Variants in THADA observed in about 807,000 individuals in gnomAD.
THADA encodes the protein tRNA (32-2'-O)-methyltransferase regulator THADA.
Under a neutral mutation model 219.8 loss-of-function variants are expected in THADA, and 213 were observed. The observed-to-expected ratio is 0.97, with a 90% confidence interval of 0.87 to 1.09. The LOEUF (loss-of-function observed/expected upper bound fraction) is 1.09, where lower values mean the gene tolerates loss of function less well. Ranked by LOEUF, THADA falls within the 50% of genes least tolerant of loss-of-function variation. THADA has a pLI of 0.00. For missense variants in THADA, 2,956 were observed against 2,311.3 expected, an observed-to-expected ratio of 1.28 and a Z score of -5.72; for synonymous variants, 1,018 against 828.9, an observed-to-expected ratio of 1.23 and a Z score of -3.92.
intron 29 of THADA, among the ~76,000 whole-genome samples, chr2:43,385,956 C>A (rs1034094167): frequency 6.6e-6 from 1 of 151,590 alleles, no homozygotes; most frequent in Non-Finnish European, 1.5e-5. Context: ...ATGTCCCCCT[C>A]ACCAGAAATT....
intron 26 of THADA, among the ~76,000 whole-genome samples, chr2:43,440,011 T>G (rs1249595545): frequency 1.3e-5 from 2 of 152,218 alleles, no homozygotes; most frequent in African/African-American, 4.8e-5. Context: ...ATTTCCTTTT[T>G]TATTTATTAG....
chr2:43,329,745 C>G (rs1428466128), intron 30 of THADA, among the ~76,000 whole-genome samples: 2 of 152,144 alleles, frequency 1.3e-5, no homozygotes, highest in South Asian at 2.1e-4. Flanking sequence ...AAAAGTGAGA[C>G]ATTGGGCCAA....
intron 34 of THADA, among the ~76,000 whole-genome samples, chr2:43,289,637 GTTTT>G (rs1423208279): frequency 1.3e-5 from 2 of 151,958 alleles, no homozygotes; most frequent in Non-Finnish European, 2.9e-5. Context: ...AGAACTTGGT[GTTTT>G]TTTGTTTGTT....
intron 26 of THADA, among the ~76,000 whole-genome samples, chr2:43,473,396 C>A (rs1685145994): frequency 6.6e-6 from 1 of 152,148 alleles, no homozygotes; most frequent in African/African-American, 2.4e-5. Flanking sequence ...TCATCAGGAG[C>A]AATAACAAGC....
At chr2:43,542,956 T>C (rs934985097) in intron 20 of THADA, among the ~76,000 whole-genome samples, 3 of 151,740 alleles carry the variant, frequency 2.0e-5, no homozygotes, top group Non-Finnish European at 4.4e-5. Flanking sequence ...CATGCTGGTG[T>C]GCTGCACCCA....
At chr2:43,329,314 A>T (rs1235494844) in intron 30 of THADA, among the ~76,000 whole-genome samples, 1 of 152,182 alleles carries the variant, frequency 6.6e-6, no homozygotes, top group Non-Finnish European at 1.5e-5. Context: ...TTCTTTTCAA[A>T]CCTTACTTTC....
chr2:43,264,268 T>A (rs562974575), intron 36 of THADA, among the ~76,000 whole-genome samples: 1 of 151,914 alleles, frequency 6.6e-6, no homozygotes, highest in South Asian at 2.1e-4. Flanking sequence ...CTGATAGAAG[T>A]AGCTTTCTCT....
Position 43,590,859 on chromosome 2 carries a change from C to G in THADA, c.267G>C (p.Leu89Phe). 6.2e-7 allele frequency: 1 copy of G among 1,613,602 alleles called. No homozygotes were observed. The highest frequency in any genetic ancestry group is 8.5e-7 in the Non-Finnish European group (1 of 1,179,746). Reference sequence around the variant, plus strand: ...CTTTCTTCAAGGGATTCTTTAGACTCAAAGAAAGATAAATGCCTGCTAAGA... The same window carrying G: ...CTTTCTTCAAGGGATTCTTTAGACTGAAAGAAAGATAAATGCCTGCTAAGA... ...LDILAGIYLS[L>F]SLKNPLKKVL... Residue 89 changes from leucine (L) to phenylalanine (F), a missense_variant, in exon 4 of 38, where the codon TTG becomes TTC. Coordinates refer to ENST00000405975, the MANE Select transcript of THADA (RefSeq NM_022065.5).
intron 19 of THADA, among the ~76,000 whole-genome samples, chr2:43,550,154 G>A (rs760441297): frequency 6.6e-6 from 1 of 152,226 alleles, no homozygotes; most frequent in Non-Finnish European, 1.5e-5. Flanking sequence ...AGGAACATGA[G>A]TTGAAGGAAT....
chr2:43,329,212 A>G (rs957373888), intron 30 of THADA, among the ~76,000 whole-genome samples: 3 of 152,216 alleles, frequency 2.0e-5, no homozygotes, highest in African/African-American at 7.2e-5. Flanking sequence ...TATGGGAGAA[A>G]AGTAGTATCC....
chr2:43,572,911 G>A lies in THADA; in HGVS notation c.1811C>T (p.Ala604Val). ...AGACTGAAGATGTCCATGAGCTCTA[G>A]CTATTCGCAGACATGCCATCAAAGC... is the stretch of plus-strand genomic sequence containing the variant. The part of the protein sequence containing the change: ...LGALMACLRI[A>V]RAHGHLQSAT... Residue 604 changes from alanine to valine, a missense_variant, in exon 12 of 38, where the codon GCT (alanine) becomes GTT (valine). By Grantham distance (64) the Ala-to-Val change is moderately conservative. Coordinates refer to ENST00000405975, the MANE Select transcript of THADA (RefSeq NM_022065.5). The A allele has an allele frequency of 2.5e-6, 4 of 1,613,928 alleles. No individual in the cohort carries two copies. The highest frequency in any genetic ancestry group is 3.4e-6 in the Non-Finnish European group (4 of 1,179,858).
chr2:43,586,639 C>G, intron 6 of THADA, 63 bp downstream of exon 6: 1 of 1,534,460 alleles, frequency 6.5e-7, no homozygotes, highest in South Asian at 1.2e-5. Context: ...TTAAAAGAGC[C>G]AGTTCCAAAA....
At chr2:43,344,054 G>A (rs543104830) in intron 30 of THADA, 68 bp downstream of exon 30, 49 of 1,152,818 alleles carry the variant, frequency 4.3e-5, no homozygotes, top group Non-Finnish European at 5.7e-5. Context: ...CCCACAACTA[G>A]AAACAGCAAT....
In THADA at chr2:43,231,159, T is replaced by C. The variant is rs747751959; in HGVS notation, c.5651A>G (p.Gln1884Arg). The change falls in exon 38 of 38, where the codon CAG becomes CGG. Residue 1884 changes from glutamine (Q) to arginine (R), a missense_variant. By Grantham distance (43) the Gln-to-Arg change is conservative. Coordinates refer to ENST00000405975, the MANE Select transcript of THADA (RefSeq NM_022065.5). ...MVSEQCHLLSQFFRELPPAAE... is the reference protein window; with the variant it reads ...MVSEQCHLLSRFFRELPPAAE... ...AGCTGGTGGAAGCTCTCTGAAGAACTGAGACAGGAGGTGGCACTGCTCTGA... is the reference window on the plus strand; with the variant it reads ...AGCTGGTGGAAGCTCTCTGAAGAACCGAGACAGGAGGTGGCACTGCTCTGA... 6 of 1,613,692 alleles carry C rather than the reference T, an allele frequency of 3.7e-6. No homozygotes were observed. The African/African-American group carries it at 5.3e-5, about 14-fold the overall frequency.
chr2:43,256,550 C>T (rs529676861), intron 36 of THADA, among the ~76,000 whole-genome samples: 16 of 151,058 alleles, frequency 1.1e-4, no homozygotes, highest in African/African-American at 3.6e-4. Flanking sequence ...TAGCTGGAAC[C>T]ACAGGCACAT....
chr2:43,480,184 T>C (rs1686018055), intron 26 of THADA, among the ~76,000 whole-genome samples: 1 of 152,242 alleles, frequency 6.6e-6, no homozygotes, highest in Non-Finnish European at 1.5e-5. Context: ...CTAAACCTCA[T>C]GAGCCTTAGG....
At chr2:43,489,895 G>C (rs201055545) in intron 25 of THADA, among the ~76,000 whole-genome samples, 2 of 98,998 alleles carry the variant, frequency 2.0e-5, no homozygotes, top group African/African-American at 1.1e-4. Flanking sequence ...AAAAAAAAAA[G>C]CTAGAAGGGA....
intron 29 of THADA, among the ~76,000 whole-genome samples, chr2:43,393,076 G>A (rs1673584196): frequency 1.3e-5 from 2 of 152,124 alleles, no homozygotes; most frequent in African/African-American, 2.4e-5. Context: ...TCCCAAGGGA[G>A]GATCTGTATT....
rs188749797 is a variant in THADA, at chr2:43,296,639, C to T, written c.4439-3426G>A. Among the ~76,000 whole-genome samples the T allele has an allele frequency of 2.0e-4, 30 of 152,276 alleles. 1 individual carries two copies. In the East Asian group the frequency reaches 5.6e-3, roughly 28 times the overall value. ...CAGCTGGGATCTTCAACCTCTGTGTCATCTCTGTTTCAATGTCTAAAAACC... is the reference window on the plus strand; with the variant it reads ...CAGCTGGGATCTTCAACCTCTGTGTTATCTCTGTTTCAATGTCTAAAAACC... On this transcript the variant is annotated intron_variant, in intron 31 of 37. Transcript: ENST00000405975.
Sources: gnomAD v4.1 joint callset for allele counts (sites outside exome capture counted in the v4.1 genomes callset) on GRCh38, gnomAD v4.1.1 for gene constraint, MANE v1.5 for transcripts, NCBI Gene and HGNC (gene_info 2026-07-23, HGNC 2026-07-21) for gene names.